Variants in ARHGAP22 observed in about 807,000 individuals in gnomAD.
ARHGAP22 encodes rho GTPase-activating protein 22.
In ARHGAP22, 48 loss-of-function variants were observed where a neutral mutation model predicts 59.1. The observed-to-expected ratio is 0.81, with a 90% CI of 0.64 to 1.03. The LOEUF (loss-of-function observed/expected upper bound fraction) is 1.03. Among genes scored for constraint, ARHGAP22 ranks in the 50% least tolerant of loss-of-function variants. The probability of loss-of-function intolerance (pLI) is 0.00; values close to 1 mark genes in which losing one functional copy is unlikely to be tolerated. For synonymous variants in ARHGAP22, 445 were observed against 416.4 expected, an observed-to-expected ratio of 1.07 and a Z score of -0.84; for missense variants, 1,015 against 958.7, an observed-to-expected ratio of 1.06 and a Z score of -0.78.
At chr10:48,544,363 C>G (rs922655132) in intron 3 of ARHGAP22, among the ~76,000 whole-genome samples, 1 of 152,132 alleles carries the variant, frequency 6.6e-6, no homozygotes, top group Admixed American at 6.5e-5. Flanking sequence ...GCTCCCACCC[C>G]CTCCCCATCC....
intron 1 of ARHGAP22, among the ~76,000 whole-genome samples, chr10:48,593,404 C>A (rs1017469084): frequency 2.6e-5 from 4 of 152,214 alleles, no homozygotes; most frequent in African/African-American, 9.7e-5. Flanking sequence ...CCTGAGGATG[C>A]CTGAAACTGC....
chr10:48,655,112 C>CTCTTCTCTTCTCTTTTCTTT (rs1554968197), upstream of ARHGAP22, among the ~76,000 whole-genome samples: 3 of 34,108 alleles, frequency 8.8e-5, no homozygotes, highest in African/African-American at 3.4e-4. Flanking sequence ...CTCTTCTCTT[C>CTCTTCTCTTCTCTTTTCTTT]TCTTTCCTCT....
intron 4 of ARHGAP22, among the ~76,000 whole-genome samples, chr10:48,470,033 G>A (rs144347204): frequency 6.6e-6 from 1 of 152,330 alleles, no homozygotes; most frequent in Non-Finnish European, 1.5e-5. Context: ...CAGGGCTATT[G>A]TCAGGCTCAG....
chr10:48,593,806 G>T (rs1554942202), intron 1 of ARHGAP22, among the ~76,000 whole-genome samples: 1 of 152,186 alleles, frequency 6.6e-6, no homozygotes, highest in Non-Finnish European at 1.5e-5. Flanking sequence ...ATATAAAAAG[G>T]AAAGAAAAAC....
intron 2 of ARHGAP22, among the ~76,000 whole-genome samples, chr10:48,567,495 C>T (rs2058119777): frequency 6.6e-6 from 1 of 152,170 alleles, no homozygotes; most frequent in African/African-American, 2.4e-5. Context: ...CAGGGGAGCT[C>T]TTGAATCCCC....
At chr10:48,566,379 G>C (rs1397365931) in intron 2 of ARHGAP22, among the ~76,000 whole-genome samples, 1 of 152,094 alleles carries the variant, frequency 6.6e-6, no homozygotes, top group Non-Finnish European at 1.5e-5. Flanking sequence ...TGCCAAGGAG[G>C]GAAGCATCCT....
chr10:48,489,757 G>A (rs539273267), intron 3 of ARHGAP22, among the ~76,000 whole-genome samples: 8 of 129,330 alleles, frequency 6.2e-5, no homozygotes, highest in Admixed American at 2.6e-4. Context: ...TTTTTGAGAC[G>A]GAGTCTCACA....
chr10:48,479,650 G>T lies in ARHGAP22; in HGVS notation c.437C>A (p.Ala146Asp). The T allele has an allele frequency of 6.2e-7, 1 of 1,613,790 alleles. No homozygotes were observed. Among genetic ancestry groups the T allele is most frequent in the Non-Finnish European group, 8.5e-7 (1 of 1,179,956 alleles). The change falls in exon 4 of 10, where the codon GCC (alanine) becomes GAC (aspartate). Residue 146 changes from alanine to aspartate, a missense_variant. Physicochemically the swap from Ala to Asp is moderately radical, Grantham distance 126 (BLOSUM62 -2). Transcript: ENST00000249601. ...ACGGGCAGTACCTCCGCCCAGCGGG[G>T]CCCAGATGACTCGGCGGATGGCCTG... ...WVQAIRRVIW[A>D]PLGGGIFGQR...
intron 1 of ARHGAP22, among the ~76,000 whole-genome samples, chr10:48,623,844 T>C (rs1334296266): frequency 6.6e-6 from 1 of 152,210 alleles, no homozygotes; most frequent in Non-Finnish European, 1.5e-5. Context: ...TTCTCACATT[T>C]CCTCTCAAGA....
At chr10:48,517,307 A>T (rs1428621161) in intron 3 of ARHGAP22, among the ~76,000 whole-genome samples, 1 of 152,214 alleles carries the variant, frequency 6.6e-6, no homozygotes, top group African/African-American at 2.4e-5. Flanking sequence ...GGATGTTTAG[A>T]AGAGCCGGCA....
intron 1 of ARHGAP22, among the ~76,000 whole-genome samples, chr10:48,630,367 G>A (rs936435067): frequency 2.6e-5 from 4 of 152,182 alleles, no homozygotes; most frequent in Non-Finnish European, 5.9e-5. Context: ...TGGGATTACA[G>A]GAATGAGCCA....
intron 1 of ARHGAP22, among the ~76,000 whole-genome samples, chr10:48,629,643 G>A (rs1445092209): frequency 6.6e-6 from 1 of 152,072 alleles, no homozygotes; most frequent in Non-Finnish European, 1.5e-5. Flanking sequence ...TTGAATTTAG[G>A]TTGCATGCTT....
chr10:48,561,203 G>A (rs1199230873), intron 2 of ARHGAP22, among the ~76,000 whole-genome samples: 1 of 152,080 alleles, frequency 6.6e-6, no homozygotes, highest in Non-Finnish European at 1.5e-5. Context: ...CTATCTATCT[G>A]TCTCCATATA....
At chr10:48,646,588 A>G (rs1338481283) in intron 1 of ARHGAP22, among the ~76,000 whole-genome samples, 2 of 152,136 alleles carry the variant, frequency 1.3e-5, no homozygotes, top group Non-Finnish European at 2.9e-5. Flanking sequence ...GGAAAGGAAA[A>G]TTTTTTAACA....
At chr10:48,615,980 A>G (rs896953944) in intron 1 of ARHGAP22, among the ~76,000 whole-genome samples, 3 of 151,704 alleles carry the variant, frequency 2.0e-5, no homozygotes, top group Middle Eastern at 3.4e-3. Flanking sequence ...AATGAAGAAG[A>G]TGAGCAAAGC....
At chr10:48,442,627 C>G (rs2045229858), downstream of ARHGAP22, among the ~76,000 whole-genome samples, 1 of 152,158 alleles carries the variant, frequency 6.6e-6, no homozygotes, top group Non-Finnish European at 1.5e-5. Context: ...GCCACTGCCA[C>G]AGCCACCACC....
chr10:48,434,452 T>TCA, the ARHGAP22 span, among the ~76,000 whole-genome samples: 1 of 152,342 alleles, frequency 6.6e-6, no homozygotes, highest in African/African-American at 2.4e-5. Flanking sequence ...TAAAGACTTT[T>TCA]TTGTAGGGAA....
intron 3 of ARHGAP22, among the ~76,000 whole-genome samples, chr10:48,505,825 G>A (rs1374330025): frequency 6.6e-6 from 1 of 152,228 alleles, no homozygotes; most frequent in Non-Finnish European, 1.5e-5. Context: ...AGGGCTGGTT[G>A]GAGAAGCTGC....
At chr10:48,523,614 G>A (rs2054023362) in intron 3 of ARHGAP22, among the ~76,000 whole-genome samples, 1 of 152,218 alleles carries the variant, frequency 6.6e-6, no homozygotes. Context: ...TCCCTCTCCC[G>A]GCAGTTAAGC....
Sources: allele counts gnomAD v4.1 joint callset (sites outside exome capture counted in the v4.1 genomes callset), GRCh38; gene constraint gnomAD v4.1.1; transcripts MANE v1.5; gene names NCBI Gene and HGNC (gene_info 2026-07-23, HGNC 2026-07-21).